The following MTTP variants were observed in gnomAD, a reference collection of about 807,000 sequenced individuals.
The protein encoded by MTTP is microsomal triglyceride transfer protein.
Under a neutral mutation model 90.6 loss-of-function variants are expected in MTTP, and 49 were observed. That is an observed-to-expected ratio of 0.54 (90% confidence interval 0.43 to 0.69). The LOEUF (loss-of-function observed/expected upper bound fraction) is 0.69, where lower values mean the gene tolerates loss of function less well. Ranked by LOEUF, MTTP falls within the 30% of genes least tolerant of loss-of-function variation. MTTP has a pLI of 0.00. For synonymous variants in MTTP, 347 were observed against 384.2 expected (o/e 0.90, Z 1.13); for missense variants, 945 against 1,067.5 (o/e 0.89, Z 1.60).
At chr4:99,604,041 G>A (rs1725757854) in intron 10 of MTTP, among the ~76,000 whole-genome samples, 1 of 151,882 alleles carries the variant, frequency 6.6e-6, no homozygotes, top group African/African-American at 2.4e-5. Flanking sequence ...ATAAGATTTG[G>A]CCATAGTGAA....
intron 6 of MTTP, among the ~76,000 whole-genome samples, 159 bp from the exon 7 acceptor site, chr4:99,594,574 A>G (rs1228947885): frequency 6.6e-6 from 1 of 152,200 alleles, no homozygotes; most frequent in Admixed American, 6.5e-5. Context: ...AGACTTCATA[A>G]TGAGCTTTCA....
chr4:99,572,726 G>A (rs78065284), upstream of MTTP, among the ~76,000 whole-genome samples: 770 of 152,148 alleles, frequency 5.1e-3, 6 homozygotes, highest in African/African-American at 0.017. Context: ...TGTTTGCACA[G>A]TGTTTGCTGT....
intron 6 of MTTP, among the ~76,000 whole-genome samples, chr4:99,592,148 C>A (rs1578241715): frequency 6.6e-6 from 1 of 152,048 alleles, no homozygotes; most frequent in Non-Finnish European, 1.5e-5. Flanking sequence ...CAGAAAAATA[C>A]AGTATAAAAG....
At chr4:99,573,858 C>T (rs77103690), upstream of MTTP, among the ~76,000 whole-genome samples, 797 of 152,230 alleles carry the variant, frequency 5.2e-3, 7 homozygotes, top group African/African-American at 0.018. Flanking sequence ...TTCCCACAGG[C>T]GGCCTAAGTC....
At chr4:99,584,740 G>C (rs555899584) in intron 3 of MTTP, among the ~76,000 whole-genome samples, 55 of 149,528 alleles carry the variant, frequency 3.7e-4, no homozygotes, top group African/African-American at 1.3e-3. Flanking sequence ...GCTCACTCAT[G>C]ACCCTTATCA....
intron 1 of MTTP, among the ~76,000 whole-genome samples, chr4:99,580,491 C>T (rs1340966288): frequency 1.4e-5 from 2 of 139,172 alleles, no homozygotes; most frequent in Admixed American, 1.6e-4. Context: ...AGGAGAATTG[C>T]TTGAGCCTGG....
chr4:99,594,694 A>G (rs1250741880), intron 6 of MTTP, 39 bp from the exon 7 acceptor site: 1 of 1,611,186 alleles, frequency 6.2e-7, no homozygotes, highest in Non-Finnish European at 8.5e-7. Context: ...CACTCAAAAG[A>G]ATGATTATAA....
chr4:99,616,966 G>A (rs1726112626), intron 15 of MTTP, among the ~76,000 whole-genome samples: 1 of 152,182 alleles, frequency 6.6e-6, no homozygotes, highest in Non-Finnish European at 1.5e-5. Flanking sequence ...GGACTGGGTG[G>A]ATGAACAAGA....
At chr4:99,565,486 G>A (rs1232556274) in intron 1 of MTTP, among the ~76,000 whole-genome samples, 2 of 152,028 alleles carry the variant, frequency 1.3e-5, no homozygotes, top group East Asian at 1.9e-4. Context: ...AGTTTAAGAC[G>A]GTGAAATCAT....
chr4:99,612,589 G>C (rs1578253790), intron 14 of MTTP, among the ~76,000 whole-genome samples: 1 of 152,138 alleles, frequency 6.6e-6, no homozygotes, highest in Non-Finnish European at 1.5e-5. Flanking sequence ...AAAGCTCATG[G>C]TTTTCATAGT....
chr4:99,570,627 T>A, upstream of MTTP: 1 of 452,936 alleles, frequency 2.2e-6, no homozygotes. Flanking sequence ...ATAGTCTAAG[T>A]TAAGGTTGTA....
At chr4:99,595,990 G>A (rs1319830011) in intron 7 of MTTP, among the ~76,000 whole-genome samples, 1 of 151,216 alleles carries the variant, frequency 6.6e-6, no homozygotes, top group East Asian at 1.9e-4. Context: ...TTCCAAATTT[G>A]GAATTCCAAA....
At chr4:99,580,280 G>T (rs1276448310) in intron 1 of MTTP, among the ~76,000 whole-genome samples, 1 of 151,290 alleles carries the variant, frequency 6.6e-6, no homozygotes, top group Non-Finnish European at 1.5e-5. Flanking sequence ...AGACAGCCTG[G>T]ATTAAAATCA....
intron 14 of MTTP, among the ~76,000 whole-genome samples, 179 bp downstream of exon 14, chr4:99,611,632 G>A (rs1725959734): frequency 6.6e-6 from 1 of 152,120 alleles, no homozygotes; most frequent in Admixed American, 6.5e-5. Context: ...GTCACTCAGA[G>A]AAAGTTTCGA....
intron 1 of MTTP, among the ~76,000 whole-genome samples, chr4:99,577,421 C>A (rs1248758948): frequency 1.3e-5 from 2 of 151,532 alleles, no homozygotes; most frequent in African/African-American, 4.9e-5. Flanking sequence ...GTCTGACCAA[C>A]GTGGAGAAAC....
intron 1 of MTTP, 25 bp from the exon 2 acceptor site, chr4:99,581,880 G>A: frequency 6.2e-7 from 1 of 1,612,280 alleles, no homozygotes. Context: ...ATGAAAACTG[G>A]ATATGTGTCA....
intron 12 of MTTP, among the ~76,000 whole-genome samples, chr4:99,609,943 C>T (rs1376156570): frequency 1.3e-5 from 2 of 152,150 alleles, no homozygotes; most frequent in Admixed American, 6.6e-5. Flanking sequence ...TTGCTGCCTT[C>T]GTCTTATGGC....
At chr4:99,616,833 C>T (rs765266188) in intron 15 of MTTP, among the ~76,000 whole-genome samples, 1 of 152,168 alleles carries the variant, frequency 6.6e-6, no homozygotes, top group Non-Finnish European at 1.5e-5. Context: ...ATGCTCTCTC[C>T]CCACAAAAGG....
intron 3 of MTTP, among the ~76,000 whole-genome samples, chr4:99,589,302 G>A (rs1266870585): frequency 1.3e-5 from 2 of 151,562 alleles, no homozygotes; most frequent in Non-Finnish European, 2.9e-5. Context: ...ACAGTTACAG[G>A]TAGAGAACAT....
Sources: gnomAD v4.1 joint callset for allele counts (sites outside exome capture counted in the v4.1 genomes callset) on GRCh38, gnomAD v4.1.1 for gene constraint, MANE v1.5 for transcripts, NCBI Gene and HGNC (gene_info 2026-07-23, HGNC 2026-07-21) for gene names.